Variants in THSD7A observed in about 807,000 individuals in gnomAD.
THSD7A encodes thrombospondin type-1 domain-containing protein 7A.
Under a neutral mutation model 231.3 loss-of-function variants are expected in THSD7A, and 96 were observed. That is an observed-to-expected ratio of 0.41 (90% confidence interval 0.35 to 0.49). The LOEUF (loss-of-function observed/expected upper bound fraction) is 0.49. THSD7A is among the 20% of genes least tolerant of loss of function. THSD7A has a pLI of 0.05. For synonymous variants in THSD7A, 940 were observed against 743.3 expected, an observed-to-expected ratio of 1.26 and a Z score of -4.30; for missense variants, 2,290 against 2,070.2, an observed-to-expected ratio of 1.11 and a Z score of -2.06.
Position 11,412,738 on chromosome 7 carries a change from T to A in THSD7A, c.3600A>T (p.Glu1200Asp), listed in dbSNP as rs779356646. The A allele has an allele frequency of 6.2e-7, 1 of 1,613,754 alleles. No homozygotes were observed. Among genetic ancestry groups the A allele is most frequent in the Non-Finnish European group, 8.5e-7 (1 of 1,179,800 alleles). ...CAACAGCATTAGGGCAAGATCTTCC[T>A]TCATCAGCTGGTTGTCTGATGGGAT... ...SADPIRQPAD[E>D]GRSCPNAVEK... Residue 1200 changes from glutamate (E) to aspartate (D), a missense_variant, in exon 18 of 28, where the codon GAA becomes GAT. Physicochemically the swap from Glu to Asp is conservative, Grantham distance 45. Coordinates refer to ENST00000423059, the MANE Select transcript of THSD7A (RefSeq NM_015204.3).
chr7:11,547,413 T>C (rs1001828304), intron 4 of THSD7A, among the ~76,000 whole-genome samples: 3 of 152,176 alleles, frequency 2.0e-5, no homozygotes, highest in African/African-American at 7.2e-5. Context: ...CCATATCACA[T>C]GCAATGACGC....
At chr7:11,511,897 C>G (rs146394210) in intron 6 of THSD7A, among the ~76,000 whole-genome samples, 26,676 of 152,096 alleles carry the variant, frequency 0.18, 2,922 homozygotes, top group African/African-American at 0.31. Context: ...GACTAAAACA[C>G]CAAAAGCAAT....
chr7:11,416,055 GT>G (rs1446688519), intron 17 of THSD7A, among the ~76,000 whole-genome samples: 2 of 152,146 alleles, frequency 1.3e-5, no homozygotes, highest in East Asian at 1.9e-4. Context: ...TTTTTCTGAG[GT>G]TTTTCTTTAA....
chr7:11,506,267 A>C (rs1253980658), intron 6 of THSD7A, among the ~76,000 whole-genome samples: 1 of 152,168 alleles, frequency 6.6e-6, no homozygotes, highest in African/African-American at 2.4e-5. Flanking sequence ...CTGGGATTTC[A>C]GGAGTGAGCC....
At chr7:11,666,347 T>C (rs1783130315) in intron 1 of THSD7A, among the ~76,000 whole-genome samples, 1 of 152,122 alleles carries the variant, frequency 6.6e-6, no homozygotes, top group Non-Finnish European at 1.5e-5. Context: ...ACATTTTGAA[T>C]AATTTTGTGC....
intron 1 of THSD7A, among the ~76,000 whole-genome samples, chr7:11,665,637 T>A (rs1326291944): frequency 2.0e-5 from 3 of 152,104 alleles, no homozygotes; most frequent in African/African-American, 7.2e-5. Context: ...AAATACCCTT[T>A]ACTAGCGTGA....
intron 2 of THSD7A, among the ~76,000 whole-genome samples, chr7:11,602,386 C>G (rs1270381062): frequency 6.6e-6 from 1 of 151,976 alleles, no homozygotes; most frequent in Non-Finnish European, 1.5e-5. Flanking sequence ...TTAAGTAACT[C>G]TACTTAATAC....
intron 1 of THSD7A, among the ~76,000 whole-genome samples, chr7:11,826,293 T>G (rs1454776916): frequency 6.6e-6 from 1 of 152,192 alleles, no homozygotes; most frequent in African/African-American, 2.4e-5. Context: ...ATTATGTACA[T>G]GTTTCTTGGA....
In THSD7A at chr7:11,406,566, T is replaced by C. The variant is rs1053533221; in HGVS notation, c.4063-92A>G. ...GTTATCTCTGCACCACTGACTTTGA[T>C]TTATGAACATTTAGAGAAGGATTTG... On this transcript the variant is annotated intron_variant, in intron 21 of 27. Transcript: ENST00000423059. The surrounding 1 kb of genome is among the most constrained non-coding windows in gnomAD (Gnocchi z 4.7). 1.1e-5 allele frequency: 14 copies of C among 1,308,928 alleles called. No individual in the cohort carries two copies. The highest frequency in any genetic ancestry group is 3.0e-5 in the African/African-American group (2 of 66,866). 81.1% of individuals were successfully genotyped at this position (1,308,928 alleles called of 1,614,324 possible).
At chr7:11,738,946 T>A (rs1315893894) in intron 1 of THSD7A, among the ~76,000 whole-genome samples, 1 of 152,060 alleles carries the variant, frequency 6.6e-6, no homozygotes, top group Non-Finnish European at 1.5e-5. Context: ...AAATTCATGT[T>A]AATTTGTTAC....
intron 11 of THSD7A, among the ~76,000 whole-genome samples, chr7:11,454,824 G>A (rs867735995): frequency 2.6e-5 from 4 of 151,886 alleles, no homozygotes; most frequent in Non-Finnish European, 5.9e-5. Flanking sequence ...AGTTTGGATT[G>A]GTTTTTAGAA....
intron 6 of THSD7A, among the ~76,000 whole-genome samples, chr7:11,529,706 C>T (rs547098026): frequency 6.6e-5 from 10 of 152,214 alleles, no homozygotes; most frequent in Non-Finnish European, 1.5e-4. Context: ...CCATGTAGAA[C>T]TATGTGAGCC....
chr7:11,780,961 G>A (rs1353435324), intron 1 of THSD7A, among the ~76,000 whole-genome samples: 12 of 112,644 alleles, frequency 1.1e-4, no homozygotes, highest in South Asian at 6.2e-4. Flanking sequence ...ACTGCAGTCC[G>A]CAGTCCGGCC....
chr7:11,685,761 T>G (rs1313594315), intron 1 of THSD7A, among the ~76,000 whole-genome samples: 1 of 151,886 alleles, frequency 6.6e-6, no homozygotes, highest in East Asian at 1.9e-4. Context: ...ATGCATACAC[T>G]GTGGGTGGTA....
intron 1 of THSD7A, among the ~76,000 whole-genome samples, chr7:11,672,797 T>C (rs1439237279): frequency 6.6e-6 from 1 of 152,170 alleles, no homozygotes; most frequent in Non-Finnish European, 1.5e-5. Context: ...AGCAAATTCA[T>C]CAATCTTTTT....
At chr7:11,410,715 G>C (rs1003979233) in intron 19 of THSD7A, among the ~76,000 whole-genome samples, 1 of 151,906 alleles carries the variant, frequency 6.6e-6, no homozygotes. Context: ...TCATTCCTCT[G>C]TTTGAATTTC....
chr7:11,613,538 C>G (rs150304302), intron 2 of THSD7A, among the ~76,000 whole-genome samples: 1 of 152,080 alleles, frequency 6.6e-6, no homozygotes, highest in Non-Finnish European at 1.5e-5. Context: ...CTCCTATGAA[C>G]GTCAGTCAGT....
Position 11,377,925 on chromosome 7 carries a change from A to G in THSD7A, c.4801+1145T>C, listed in dbSNP as rs1333561643. On this transcript the variant is annotated intron_variant, in intron 26 of 27. Transcript: ENST00000423059. The surrounding 1 kb of genome is among the most constrained non-coding windows in gnomAD (Gnocchi z 4.5). The stretch of plus-strand genomic sequence containing the variant: ...TCTGCTTCAATTCTTAGTGAAGGTC[A>G]AAATTGCTACTGGTTGTCTGCTAGT... 1 of 152,088 alleles carries G rather than the reference A, an allele frequency of 6.6e-6. No individual in the cohort carries two copies. The highest frequency in any genetic ancestry group is 1.9e-4 in the East Asian group (1 of 5,174). 9.4% of individuals were successfully genotyped at this position (152,088 alleles called of 1,614,324 possible). A position where few individuals can be genotyped will look rare whatever the true frequency, so the allele number is the denominator to read the frequency against.
chr7:11,392,231 C>A (rs944935080), intron 23 of THSD7A, among the ~76,000 whole-genome samples: 1 of 151,944 alleles, frequency 6.6e-6, no homozygotes, highest in African/African-American at 2.4e-5. Context: ...ACAGTAAGTG[C>A]AGCCCATGGA....
Sources: gnomAD v4.1 joint callset for allele counts (sites outside exome capture counted in the v4.1 genomes callset) on GRCh38, gnomAD v4.1.1 for gene constraint, Gnocchi (gnomAD v3.1) non-coding constraint, MANE v1.5 for transcripts, NCBI Gene and HGNC (gene_info 2026-07-23, HGNC 2026-07-21) for gene names.